PRDM10: variants seen among roughly 807,000 people sequenced by gnomAD.
PRDM10 encodes the protein PR/SET domain 10, also known as PR domain zinc finger protein 10.
PRDM10 carries 65 observed loss-of-function variants against 133.1 expected under a neutral mutation model. That is an observed-to-expected ratio of 0.49 (90% CI 0.40 to 0.60). PRDM10 has a LOEUF of 0.60. Ranked by LOEUF, PRDM10 falls within the 20% of genes least tolerant of loss-of-function variation. PRDM10 has a pLI of 0.00. For synonymous variants in PRDM10, 582 were observed against 580.4 expected, an observed-to-expected ratio of 1.00 and a Z score of -0.04; for missense variants, 1,137 against 1,507.1, an observed-to-expected ratio of 0.75 and a Z score of 4.07.
At chr11:129,994,396 G>C (rs1938925181) in intron 1 of PRDM10, among the ~76,000 whole-genome samples, 1 of 150,144 alleles carries the variant, frequency 6.7e-6, no homozygotes. Flanking sequence ...AACCCAGAAG[G>C]CAGAGGTTGC....
At chr11:129,913,723 C>T (rs1411371975) in intron 17 of PRDM10, among the ~76,000 whole-genome samples, 1 of 152,122 alleles carries the variant, frequency 6.6e-6, no homozygotes, top group Non-Finnish European at 1.5e-5. Context: ...AAAAACCCTC[C>T]ATAAGAAAAA....
intron 1 of PRDM10, among the ~76,000 whole-genome samples, chr11:130,000,810 A>G (rs1035773780): frequency 6.6e-6 from 1 of 152,200 alleles, no homozygotes; most frequent in Non-Finnish European, 1.5e-5. Flanking sequence ...AATTTATTGT[A>G]AAAGTAAACC....
At chr11:129,919,296 G>A (rs958777390) in intron 13 of PRDM10, among the ~76,000 whole-genome samples, 10 of 152,322 alleles carry the variant, frequency 6.6e-5, no homozygotes, top group Middle Eastern at 3.4e-3. Flanking sequence ...GAATCTGGGA[G>A]GTGGAGGCTG....
chr11:129,936,922 C>T (rs2135838443), intron 8 of PRDM10, among the ~76,000 whole-genome samples: 1 of 152,336 alleles, frequency 6.6e-6, no homozygotes, highest in Non-Finnish European at 1.5e-5. Context: ...TACATTCATA[C>T]ACTAGAATAC....
chr11:129,908,402 T>A (rs1272122331), intron 19 of PRDM10, among the ~76,000 whole-genome samples: 1 of 266 alleles, frequency 3.8e-3, no homozygotes, highest in Non-Finnish European at 7.8e-3. Context: ...TGAGTCCAGG[T>A]CAAAGCTGCA....
chr11:129,910,434 C>G (rs1439730452), intron 19 of PRDM10, 42 bp downstream of exon 19: 12 of 1,609,408 alleles, frequency 7.5e-6, no homozygotes, highest in East Asian at 6.7e-5. Context: ...GGCTGGAGAT[C>G]CCCCACCCCT....
intron 4 of PRDM10, among the ~76,000 whole-genome samples, chr11:129,954,493 G>A (rs1951658702): frequency 6.6e-6 from 1 of 151,868 alleles, no homozygotes; most frequent in Admixed American, 6.6e-5. Flanking sequence ...TCGAACTCCT[G>A]ACCTCAATTG....
In PRDM10 at chr11:129,947,058, C is replaced by A; in HGVS notation, c.520+87G>T. 6.5e-7 allele frequency: 1 copy of A among 1,538,662 alleles called. No homozygotes were observed. Among genetic ancestry groups the A allele is most frequent in the Admixed American group, 1.8e-5 (1 of 55,606 alleles). On this transcript the variant is annotated intron_variant, in intron 5 of 20. Coordinates refer to ENST00000360871, the MANE Select transcript of PRDM10 (RefSeq NM_199437.2). This position sits in a 1 kb window ranked among gnomAD's most constrained non-coding sequence, Gnocchi z 4.6. ...GCTGCACACGGAAGGACCTGACGCA[C>A]GGGAGCTATGTTCACACACACGCAC...
At chr11:129,979,822 C>A (rs930543351) in intron 1 of PRDM10, among the ~76,000 whole-genome samples, 3 of 152,210 alleles carry the variant, frequency 2.0e-5, no homozygotes, top group African/African-American at 7.2e-5. Context: ...GCCCTTCAGG[C>A]CCATCCTTTA....
At chr11:129,935,744 A>G (rs781200579) in intron 8 of PRDM10, among the ~76,000 whole-genome samples, 5 of 152,216 alleles carry the variant, frequency 3.3e-5, no homozygotes, top group Non-Finnish European at 5.9e-5. Flanking sequence ...TCACTAAAAG[A>G]CATATAAGAA....
chr11:129,974,610 C>T (rs1454733011), intron 1 of PRDM10, among the ~76,000 whole-genome samples: 1 of 152,186 alleles, frequency 6.6e-6, no homozygotes, highest in Non-Finnish European at 1.5e-5. Flanking sequence ...TCTAAAAGAT[C>T]ATTCCCATGA....
At chr11:129,989,467 C>G (rs1485356858) in intron 1 of PRDM10, among the ~76,000 whole-genome samples, 2 of 152,196 alleles carry the variant, frequency 1.3e-5, no homozygotes, top group African/African-American at 2.4e-5. Flanking sequence ...CCTGTTTCAC[C>G]CATGCACCCA....
In PRDM10 at chr11:129,918,738, G is replaced by T; in HGVS notation, c.2035-20C>A. 1 of 1,592,224 alleles carries T rather than the reference G, an allele frequency of 6.3e-7. No individual in the cohort carries two copies. The highest frequency in any genetic ancestry group is 1.1e-5 in the South Asian group (1 of 88,740). ...TTTTCGCTATTTGGAGAGTATTTTT[G>T]AAAACGGGGTAGACACGGGGGTAGA... is the stretch of plus-strand genomic sequence containing the variant. On this transcript the variant is annotated intron_variant, in intron 13 of 20. Transcript: ENST00000360871. This position sits in a 1 kb window ranked among gnomAD's most constrained non-coding sequence, Gnocchi z 5.3.
At chr11:129,944,395 C>CCATCCTGTCTAA (rs373627728) in intron 6 of PRDM10, among the ~76,000 whole-genome samples, 1 of 151,462 alleles carries the variant, frequency 6.6e-6, no homozygotes, top group Non-Finnish European at 1.5e-5. Context: ...GAGATCGAGA[C>CCATCCTGTCTAA]CACGGTGAAA....
intron 4 of PRDM10, among the ~76,000 whole-genome samples, chr11:129,953,674 G>T (rs1301016834): frequency 6.6e-6 from 1 of 151,646 alleles, no homozygotes. Flanking sequence ...TCATTGGTTT[G>T]GTTTTTATAT....
intron 1 of PRDM10, among the ~76,000 whole-genome samples, chr11:129,973,814 T>TA (rs1937626207): frequency 6.6e-6 from 1 of 152,226 alleles, no homozygotes; most frequent in African/African-American, 2.4e-5. Flanking sequence ...TGAAGACTCT[T>TA]ATGTAGATAT....
At chr11:129,942,652 C>T (rs562986289) in intron 6 of PRDM10, 23 bp from the exon 7 acceptor site, 1 of 1,576,670 alleles carries the variant, frequency 6.3e-7, no homozygotes, top group East Asian at 2.2e-5. Context: ...AAAGCCACAC[C>T]AAAAACAAAA....
chr11:129,915,948 G>C (rs1950343361), intron 15 of PRDM10, 88 bp from the exon 16 acceptor site: 2 of 1,324,322 alleles, frequency 1.5e-6, no homozygotes. Flanking sequence ...ATAAGAAAAT[G>C]AGGAAAAGTA....
chr11:129,975,735 C>T (rs1591682855), intron 1 of PRDM10, among the ~76,000 whole-genome samples: 2 of 152,316 alleles, frequency 1.3e-5, no homozygotes, highest in African/African-American at 4.8e-5. Context: ...TCTCCCAGCT[C>T]AGGTCAGCAG....
Sources: gnomAD v4.1 joint callset for allele counts (sites outside exome capture counted in the v4.1 genomes callset) on GRCh38, gnomAD v4.1.1 for gene constraint, Gnocchi (gnomAD v3.1) non-coding constraint, MANE v1.5 for transcripts, NCBI Gene and HGNC (gene_info 2026-07-23, HGNC 2026-07-21) for gene names.